Variants in PXDNL observed in about 807,000 individuals in gnomAD.
PXDNL encodes probable oxidoreductase PXDNL.
Under a neutral mutation model 150.8 loss-of-function variants are expected in PXDNL, and 145 were observed. The ratio of observed to expected loss-of-function variants is 0.96; its 90% CI spans 0.84 to 1.10. The LOEUF (loss-of-function observed/expected upper bound fraction) is 1.10. Among genes scored for constraint, PXDNL ranks in the 50% least tolerant of loss-of-function variants. The pLI is 0.00. For missense variants in PXDNL, 2,087 were observed against 1,873.9 expected (o/e 1.11, Z -2.10); for synonymous variants, 757 against 725.7 (o/e 1.04, Z -0.69).
chr8:51,754,799 G>C (rs1001800951), intron 1 of PXDNL, among the ~76,000 whole-genome samples: 1 of 152,066 alleles, frequency 6.6e-6, no homozygotes, highest in Non-Finnish European at 1.5e-5. Flanking sequence ...CACTGCGCCC[G>C]GCCAAAAGTC....
intron 1 of PXDNL, among the ~76,000 whole-genome samples, chr8:51,680,604 T>A (rs1367861028): frequency 6.6e-6 from 1 of 152,010 alleles, no homozygotes; most frequent in African/African-American, 2.4e-5. Flanking sequence ...TTTTATTGAG[T>A]GGGGAAAAAA....
At chr8:51,689,481 G>A (rs1307490421) in intron 1 of PXDNL, among the ~76,000 whole-genome samples, 1 of 152,046 alleles carries the variant, frequency 6.6e-6, no homozygotes, top group Non-Finnish European at 1.5e-5. Flanking sequence ...ACTTTGCTTG[G>A]GGAAGTGGTT....
intron 14 of PXDNL, among the ~76,000 whole-genome samples, chr8:51,413,477 G>A (rs923423790): frequency 1.3e-5 from 2 of 152,068 alleles, no homozygotes; most frequent in African/African-American, 4.8e-5. Flanking sequence ...ATGTTATTTA[G>A]GGAATTAAAG....
intron 2 of PXDNL, among the ~76,000 whole-genome samples, chr8:51,647,667 A>G (rs1480263902): frequency 1.3e-5 from 2 of 152,124 alleles, no homozygotes; most frequent in African/African-American, 4.8e-5. Flanking sequence ...TGTGTCAAGG[A>G]AAGATCTACC....
At chr8:51,425,198 C>A (rs1809058852) in intron 13 of PXDNL, among the ~76,000 whole-genome samples, 1 of 152,222 alleles carries the variant, frequency 6.6e-6, no homozygotes, top group Non-Finnish European at 1.5e-5. Context: ...CAGCACATTC[C>A]TTATCTGCTT....
chr8:51,473,310 C>CACACACAA (rs1238216161), intron 7 of PXDNL, among the ~76,000 whole-genome samples: 1 of 151,192 alleles, frequency 6.6e-6, no homozygotes, highest in African/African-American at 2.4e-5. Flanking sequence ...CACACACACA[C>CACACACAA]AAATACATAT....
intron 1 of PXDNL, among the ~76,000 whole-genome samples, chr8:51,753,543 G>A (rs1001921778): frequency 2.6e-5 from 4 of 152,084 alleles, no homozygotes; most frequent in African/African-American, 7.2e-5. Flanking sequence ...CCATAGTATC[G>A]CATGATCATC....
At chr8:51,633,298 T>G (rs902892260) in intron 2 of PXDNL, among the ~76,000 whole-genome samples, 1 of 152,180 alleles carries the variant, frequency 6.6e-6, no homozygotes, top group Non-Finnish European at 1.5e-5. Flanking sequence ...TCCAATCCAC[T>G]GTTGATAGGC....
chr8:51,661,684 C>A (rs910151655), intron 1 of PXDNL, among the ~76,000 whole-genome samples: 21 of 152,172 alleles, frequency 1.4e-4, no homozygotes, highest in Admixed American at 1.4e-3. Flanking sequence ...TCTCCTTATA[C>A]ACACGCACAT....
intron 1 of PXDNL, among the ~76,000 whole-genome samples, chr8:51,806,701 T>C (rs1227024005): frequency 6.6e-6 from 1 of 152,226 alleles, no homozygotes; most frequent in African/African-American, 2.4e-5. Flanking sequence ...AAAATGTAAT[T>C]AGCTGCTAAT....
intron 3 of PXDNL, among the ~76,000 whole-genome samples, chr8:51,570,865 T>A (rs1239854123): frequency 1.3e-5 from 2 of 151,868 alleles, no homozygotes; most frequent in Non-Finnish European, 2.9e-5. Context: ...TTATATATAT[T>A]GTAACTAAAA....
At position 51,499,728 on chromosome 8, in the gene PXDNL, G is replaced by A. The variant is rs1811143258; in HGVS notation, c.423C>T (p.Thr141=). ...FNQLEMLQPE[T]FGDLLRLERL... is the part of the protein sequence containing the mutation. The stretch of plus-strand genomic sequence containing the variant: ...GCTCTAATCTCAGAAGGTCTCCAAA[G>A]GTCTCTGGCTGTAGCATTTCTAGTT... The change falls in exon 5 of 23, where the codon ACC becomes ACT. Residue 141 remains threonine, a synonymous_variant. Coordinates refer to ENST00000356297, the MANE Select transcript of PXDNL (RefSeq NM_144651.5). 34 of 1,613,286 alleles carry A rather than the reference G, an allele frequency of 2.1e-5. No individual in the cohort carries two copies. The highest frequency in any genetic ancestry group is 2.7e-5 in the Non-Finnish European group (32 of 1,179,462).
chr8:51,777,763 C>T (rs1038319042), intron 1 of PXDNL, among the ~76,000 whole-genome samples: 16 of 152,034 alleles, frequency 1.1e-4, no homozygotes, highest in Non-Finnish European at 8.8e-5. Context: ...ATTAGCCAGG[C>T]GTGGTAGTGG....
At chr8:51,508,327 A>C (rs981928927) in intron 4 of PXDNL, among the ~76,000 whole-genome samples, 40 of 152,220 alleles carry the variant, frequency 2.6e-4, no homozygotes, top group African/African-American at 9.2e-4. Context: ...AAAGAAAAAC[A>C]AGGCTGTGAA....
chr8:51,599,570 G>T (rs1402919277), intron 2 of PXDNL, among the ~76,000 whole-genome samples: 1 of 148,638 alleles, frequency 6.7e-6, no homozygotes, highest in Non-Finnish European at 1.5e-5. Context: ...TGGCCCAAGG[G>T]TATGAGTTGC....
intron 1 of PXDNL, among the ~76,000 whole-genome samples, chr8:51,670,348 G>A (rs181865014): frequency 7.9e-5 from 12 of 152,244 alleles, no homozygotes; most frequent in East Asian, 5.8e-4. Flanking sequence ...TATGTTGTTC[G>A]ATGATTTTGT....
chr8:51,429,597 A>G (rs1809201210), intron 12 of PXDNL, among the ~76,000 whole-genome samples: 2 of 152,054 alleles, frequency 1.3e-5, no homozygotes, highest in Admixed American at 1.3e-4. Flanking sequence ...AAAAAGTCCA[A>G]AAGTGCACAA....
At chr8:51,675,170 T>A (rs1212104820) in intron 1 of PXDNL, among the ~76,000 whole-genome samples, 1 of 152,194 alleles carries the variant, frequency 6.6e-6, no homozygotes, top group Non-Finnish European at 1.5e-5. Flanking sequence ...TTGCTCCCCT[T>A]TTCGAGGTCT....
intron 2 of PXDNL, among the ~76,000 whole-genome samples, chr8:51,646,123 G>C (rs1019150241): frequency 6.6e-6 from 1 of 152,122 alleles, no homozygotes; most frequent in Admixed American, 6.6e-5. Context: ...TGCAGGTAGG[G>C]CCCCTCAAGA....
Sources: allele counts gnomAD v4.1 joint callset (sites outside exome capture counted in the v4.1 genomes callset), GRCh38; gene constraint gnomAD v4.1.1; transcripts MANE v1.5; gene names NCBI Gene and HGNC (gene_info 2026-07-23, HGNC 2026-07-21).